The following OBI1 variants were observed in gnomAD, a reference collection of about 807,000 sequenced individuals.
OBI1 encodes the protein ORC ubiquitin ligase 1.
Under a neutral mutation model 62.4 loss-of-function variants are expected in OBI1, and 59 were observed. That is an observed-to-expected ratio of 0.95 (90% CI 0.77 to 1.17). The LOEUF (loss-of-function observed/expected upper bound fraction) is 1.17, where lower values mean the gene tolerates loss of function less well. OBI1 is among the 50% of genes most tolerant of loss of function. OBI1 has a pLI of 0.00. For synonymous variants in OBI1, 302 were observed against 292.8 expected (o/e 1.03, Z -0.32); for missense variants, 875 against 830.9 (o/e 1.05, Z -0.65).
intron 3 of OBI1, among the ~76,000 whole-genome samples, chr13:78,641,904 TG>T (rs1460941440): frequency 6.6e-6 from 1 of 151,534 alleles, no homozygotes; most frequent in Non-Finnish European, 1.5e-5. Context: ...CCCCATTCCT[TG>T]GTACTTAAAG....
chr13:78,648,084 G>A (rs753358488), intron 1 of OBI1, among the ~76,000 whole-genome samples: 11 of 151,904 alleles, frequency 7.2e-5, no homozygotes, highest in Admixed American at 1.3e-4. Context: ...CCTGGTCAGA[G>A]TCTCAAATGG....
At chr13:78,647,782 C>T (rs868801157) in intron 1 of OBI1, among the ~76,000 whole-genome samples, 10 of 152,222 alleles carry the variant, frequency 6.6e-5, no homozygotes, top group Middle Eastern at 3.4e-3. Flanking sequence ...GGGCTGGCCC[C>T]CTTCAATGAT....
At chr13:78,655,266 T>C (rs1876666850) in intron 1 of OBI1, among the ~76,000 whole-genome samples, 1 of 152,098 alleles carries the variant, frequency 6.6e-6, no homozygotes, top group Admixed American at 6.5e-5. Context: ...ACTATCAAAA[T>C]GTCACTTAAC....
Position 78,616,263 on chromosome 13 carries a change from T to G in OBI1, c.1498A>C (p.Ser500Arg). ...GATAAACATAAGCCTGATTTCTCAC[T>G]CAATTTTGAAGATATTTCTCCAACA... is the stretch of plus-strand genomic sequence containing the variant. The part of the protein sequence containing the change: ...NSVGEISSKL[S>R]EKSGLCLSKR... The change falls in exon 6 of 6, where the codon AGT (serine) becomes CGT (arginine). Residue 500 changes from serine (S) to arginine (R), a missense_variant. By Grantham distance (110) the Ser-to-Arg change is moderately radical. Coordinates refer to ENST00000282003, the MANE Select transcript of OBI1 (RefSeq NM_024546.4). 1 of 1,613,754 alleles carries G rather than the reference T, an allele frequency of 6.2e-7. No individual in the cohort carries two copies. Among genetic ancestry groups the G allele is most frequent in the Non-Finnish European group, 8.5e-7 (1 of 1,179,716 alleles).
At position 78,629,955 on chromosome 13, in the gene OBI1, G is replaced by A. The variant is rs79297678; in HGVS notation, c.638+5155C>T. 7.9e-3 allele frequency among the ~76,000 whole-genome samples: 1,206 copies of A among 152,236 alleles called. 12 individuals are homozygous for A. Among genetic ancestry groups the A allele is most frequent in the South Asian group, 0.033 (161 of 4,816 alleles). On this transcript the variant is annotated intron_variant, in intron 5 of 5. Transcript: ENST00000282003. Reference sequence around the variant, plus strand: ...TAGTGTGCTTACTGAGTAGTACCACGATATGTGGCTACTACTACTGGAGAA... The same window carrying A: ...TAGTGTGCTTACTGAGTAGTACCACAATATGTGGCTACTACTACTGGAGAA...
At chr13:78,624,736 G>A (rs1875614136) in intron 5 of OBI1, among the ~76,000 whole-genome samples, 1 of 152,186 alleles carries the variant, frequency 6.6e-6, no homozygotes, top group Non-Finnish European at 1.5e-5. Flanking sequence ...TCTAAGGGCT[G>A]ACCCACATAG....
chr13:78,655,320 C>A (rs1876668060), intron 1 of OBI1, among the ~76,000 whole-genome samples: 1 of 140,298 alleles, frequency 7.1e-6, no homozygotes, highest in Non-Finnish European at 1.5e-5. Context: ...GCTTGCTGGC[C>A]CACTAGTTTA....
At chr13:78,622,760 GA>G (rs1875550985) in intron 5 of OBI1, among the ~76,000 whole-genome samples, 1 of 152,130 alleles carries the variant, frequency 6.6e-6, no homozygotes, top group Non-Finnish European at 1.5e-5. Flanking sequence ...GAGCTCTATA[GA>G]AATCCGAGTT....
In OBI1 at chr13:78,638,905, G is replaced by A. The variant is rs1876112298; in HGVS notation, c.467C>T (p.Thr156Ile). 1 of 1,613,774 alleles carries A rather than the reference G, an allele frequency of 6.2e-7. No homozygotes were observed. Among genetic ancestry groups the A allele is most frequent in the Non-Finnish European group, 8.5e-7 (1 of 1,179,932 alleles). ...GAGTTTTTTCTTCCACTCTGCTACA[G>A]TTTCTGGGTTAATTTTACTTGGATT... ...TDNPSKINPETVAEWKKKLRT... is the reference protein window; with the variant it reads ...TDNPSKINPEIVAEWKKKLRT... The change falls in exon 4 of 6, where the codon ACT becomes ATT. Residue 156 changes from threonine to isoleucine, a missense_variant. Coordinates refer to ENST00000282003, the MANE Select transcript of OBI1 (RefSeq NM_024546.4).
chr13:78,647,089 G>A (rs550409179), intron 1 of OBI1, among the ~76,000 whole-genome samples: 4 of 152,196 alleles, frequency 2.6e-5, no homozygotes, highest in Admixed American at 6.5e-5. Context: ...CACAATGCAC[G>A]GCGGAAAGCC....
At chr13:78,621,715 C>T (rs1875518422) in intron 5 of OBI1, among the ~76,000 whole-genome samples, 1 of 152,192 alleles carries the variant, frequency 6.6e-6, no homozygotes, top group South Asian at 2.1e-4. Flanking sequence ...TAGAGGCAAA[C>T]TTATTGACAT....
At chr13:78,647,394 T>C (rs1236940624) in intron 1 of OBI1, among the ~76,000 whole-genome samples, 3 of 152,246 alleles carry the variant, frequency 2.0e-5, no homozygotes, top group Admixed American at 6.5e-5. Flanking sequence ...GCGAGACATG[T>C]TGGCAGCAAT....
intron 1 of OBI1, among the ~76,000 whole-genome samples, chr13:78,653,570 T>C (rs1876608266): frequency 6.6e-6 from 1 of 152,224 alleles, no homozygotes; most frequent in South Asian, 2.1e-4. Context: ...GAAACAGTTC[T>C]TTCTTCCTTG....
intron 5 of OBI1, among the ~76,000 whole-genome samples, chr13:78,621,408 T>C (rs1875508195): frequency 6.6e-6 from 1 of 152,206 alleles, no homozygotes; most frequent in South Asian, 2.1e-4. Flanking sequence ...GGTCAGTCAG[T>C]GATTAGTCAC....
At chr13:78,632,911 T>C (rs1380844759) in intron 5 of OBI1, among the ~76,000 whole-genome samples, 2 of 152,212 alleles carry the variant, frequency 1.3e-5, no homozygotes, top group East Asian at 1.9e-4. Context: ...CCTAAAGTTA[T>C]ATTGGATTCA....
chr13:78,615,470 A>T lies in OBI1; in HGVS notation c.*110T>A. Reference sequence around the variant, plus strand: ...CACCATCCTGACTTGATACTTGACTAAAGATTATCAATTCCAATTTGTATA... The same window carrying T: ...CACCATCCTGACTTGATACTTGACTTAAGATTATCAATTCCAATTTGTATA... On this transcript the variant is annotated 3_prime_UTR_variant, in exon 6 of 6. Transcript: ENST00000282003. 1.3e-6 allele frequency: 1 copy of T among 750,432 alleles called. No individual in the cohort carries two copies. Among genetic ancestry groups the T allele is most frequent in the Non-Finnish European group, 2.2e-6 (1 of 459,796 alleles). 46.5% of individuals were successfully genotyped at this position (750,432 alleles called of 1,614,324 possible). A position where few individuals can be genotyped will look rare whatever the true frequency, so the allele number is the denominator to read the frequency against.
chr13:78,650,260 G>A (rs137918231), intron 1 of OBI1, among the ~76,000 whole-genome samples: 2 of 152,242 alleles, frequency 1.3e-5, no homozygotes, highest in East Asian at 1.9e-4. Context: ...GTACACAAGC[G>A]GTAATGATAA....
At position 78,638,821 on chromosome 13, in the gene OBI1, A is replaced by C. The variant is rs1336851363; in HGVS notation, c.549+2T>G. ...AATAGATTTTTAAAAACCACAACTT[A>C]CCTCCTTTAGCTTATCCACATCATC... On this transcript the variant is annotated splice_donor_variant, in intron 4 of 5. Transcript: ENST00000282003. LOFTEE classifies it high-confidence loss of function. 1 of 1,604,060 alleles carries C rather than the reference A, an allele frequency of 6.2e-7. No individual in the cohort carries two copies. Among genetic ancestry groups the C allele is most frequent in the Non-Finnish European group, 8.5e-7 (1 of 1,176,886 alleles).
intron 5 of OBI1, among the ~76,000 whole-genome samples, chr13:78,621,158 C>G (rs142950663): frequency 7.2e-5 from 11 of 152,308 alleles, no homozygotes; most frequent in African/African-American, 2.6e-4. Context: ...TGTGGCCTAT[C>G]TGACAGGTTT....
Sources: allele counts gnomAD v4.1 joint callset (sites outside exome capture counted in the v4.1 genomes callset), GRCh38; gene constraint gnomAD v4.1.1; transcripts MANE v1.5; gene names NCBI Gene and HGNC (gene_info 2026-07-23, HGNC 2026-07-21).